The following SLC35F1 variants were observed in gnomAD, a reference collection of about 807,000 sequenced individuals.
SLC35F1 encodes the protein chromosome 6 open reading frame 169.
Under a neutral mutation model 48.7 loss-of-function variants are expected in SLC35F1, and 14 were observed. The observed-to-expected ratio is 0.29, with a 90% CI of 0.19 to 0.45. The LOEUF (loss-of-function observed/expected upper bound fraction) is 0.45. Ranked by LOEUF, SLC35F1 falls within the 20% of genes least tolerant of loss-of-function variation. The probability of loss-of-function intolerance (pLI) is 1.00; values close to 1 mark genes in which losing one functional copy is unlikely to be tolerated. For missense variants in SLC35F1, 404 were observed against 500.0 expected (o/e 0.81, Z 1.83); for synonymous variants, 190 against 202.2 (o/e 0.94, Z 0.51).
intron 1 of SLC35F1, among the ~76,000 whole-genome samples, chr6:118,014,167 G>A (rs376291067): frequency 3.9e-5 from 6 of 152,182 alleles, no homozygotes; most frequent in East Asian, 1.9e-4. Context: ...TTACTTTGAA[G>A]GCACATAATC....
chr6:118,259,087 TATA>T (rs1314879554), intron 3 of SLC35F1, among the ~76,000 whole-genome samples: 1 of 151,624 alleles, frequency 6.6e-6, no homozygotes, highest in African/African-American at 2.4e-5. Context: ...GCCTTAATAA[TATA>T]TAAAGATATT....
At chr6:117,999,018 A>G in intron 1 of SLC35F1, 1 of 1,432,150 alleles carries the variant, frequency 7.0e-7, no homozygotes, top group South Asian at 1.1e-5. Context: ...CAGTCCCGAA[A>G]ATGGCACAGA....
At chr6:118,010,934 G>A (rs1282731672) in intron 1 of SLC35F1, among the ~76,000 whole-genome samples, 3 of 152,112 alleles carry the variant, frequency 2.0e-5, no homozygotes, top group African/African-American at 7.2e-5. Flanking sequence ...TCTCAATTGT[G>A]GATGATTTTG....
chr6:118,233,463 C>T (rs1775322324), intron 2 of SLC35F1, among the ~76,000 whole-genome samples: 1 of 152,224 alleles, frequency 6.6e-6, no homozygotes. Flanking sequence ...CCAGCCTTCT[C>T]ATGTGCAAAA....
chr6:118,226,405 C>T (rs890928478), intron 2 of SLC35F1, among the ~76,000 whole-genome samples: 8 of 151,920 alleles, frequency 5.3e-5, no homozygotes, highest in African/African-American at 1.9e-4. Context: ...GAGTTATCTG[C>T]GTTTCTGTGT....
intron 1 of SLC35F1, among the ~76,000 whole-genome samples, chr6:118,049,436 A>C (rs1271150575): frequency 1.3e-5 from 2 of 152,162 alleles, no homozygotes; most frequent in Non-Finnish European, 2.9e-5. Flanking sequence ...CAACCCACAA[A>C]ATGGGAAAAA....
At chr6:118,266,892 G>A in intron 3 of SLC35F1, 103 bp from the exon 4 acceptor site, 2 of 1,307,034 alleles carry the variant, frequency 1.5e-6, no homozygotes, top group Admixed American at 1.8e-5. Flanking sequence ...AGGTTCAGGG[G>A]AAAGGCAGAA....
chr6:118,082,479 A>C (rs1161970453), intron 1 of SLC35F1, among the ~76,000 whole-genome samples: 3 of 152,336 alleles, frequency 2.0e-5, no homozygotes, highest in Middle Eastern at 6.8e-3. Context: ...AGAAACATTG[A>C]ATATTGAATG....
intron 1 of SLC35F1, among the ~76,000 whole-genome samples, chr6:118,067,185 G>A (rs900485219): frequency 6.6e-6 from 1 of 152,254 alleles, no homozygotes; most frequent in East Asian, 1.9e-4. Flanking sequence ...GTCTGATAAG[G>A]TCAGATAAGG....
At chr6:118,173,129 A>T (rs1774431530) in intron 2 of SLC35F1, among the ~76,000 whole-genome samples, 1 of 152,134 alleles carries the variant, frequency 6.6e-6, no homozygotes, top group Non-Finnish European at 1.5e-5. Context: ...AGGTTAGGTA[A>T]CTTACTAAAA....
intron 1 of SLC35F1, among the ~76,000 whole-genome samples, chr6:117,982,709 C>G (rs1776795977): frequency 6.6e-6 from 1 of 152,170 alleles, no homozygotes; most frequent in Non-Finnish European, 1.5e-5. Flanking sequence ...GTGAGAACTT[C>G]TCAGAAGAGA....
chr6:118,230,178 A>T (rs1457401291), intron 2 of SLC35F1, among the ~76,000 whole-genome samples: 1 of 152,034 alleles, frequency 6.6e-6, no homozygotes, highest in African/African-American at 2.4e-5. Context: ...CATCTCTACT[A>T]AAAATACAAA....
intron 1 of SLC35F1, among the ~76,000 whole-genome samples, chr6:118,025,094 C>T (rs145728876): frequency 1.7e-3 from 266 of 152,146 alleles, no homozygotes; most frequent in African/African-American, 6.2e-3. Context: ...TTAACTAAAC[C>T]CCACACTTTA....
chr6:118,251,132 C>CA (rs924923324), intron 3 of SLC35F1, among the ~76,000 whole-genome samples: 109 of 151,966 alleles, frequency 7.2e-4, no homozygotes, highest in African/African-American at 2.6e-3. Flanking sequence ...TAAAAAAATA[C>CA]AAAAAATTAG....
chr6:117,982,086 AC>A (rs1776788331), intron 1 of SLC35F1, among the ~76,000 whole-genome samples: 2 of 152,098 alleles, frequency 1.3e-5, no homozygotes, highest in Admixed American at 6.5e-5. Context: ...ATCTATTACA[AC>A]CCCCAAATCT....
intron 7 of SLC35F1, among the ~76,000 whole-genome samples, chr6:118,288,352 C>T (rs974239768): frequency 6.6e-6 from 1 of 152,066 alleles, no homozygotes; most frequent in African/African-American, 2.4e-5. Flanking sequence ...GAACAGCTTG[C>T]TTTTTATACA....
chr6:118,314,378 A>G lies in SLC35F1; in HGVS notation c.*126A>G. ...ACACAGGTGGACTGCAAGGTAGCAA[A>G]TCCTCCAAAAGCTTGTGAAAGGAAC... On this transcript the variant is annotated 3_prime_UTR_variant, in exon 8 of 8. Coordinates refer to ENST00000360388, the MANE Select transcript of SLC35F1 (RefSeq NM_001029858.4). The G allele has an allele frequency of 1.3e-6, 1 of 784,146 alleles. No homozygotes were observed. The highest frequency in any genetic ancestry group is 2.1e-6 in the Non-Finnish European group (1 of 485,556). The allele number at this position is 784,146 out of a possible 1,614,324, so 48.6% of individuals were successfully genotyped here.
At chr6:118,128,308 T>C (rs1229862093) in intron 1 of SLC35F1, among the ~76,000 whole-genome samples, 1 of 146,744 alleles carries the variant, frequency 6.8e-6, no homozygotes, top group Non-Finnish European at 1.5e-5. Flanking sequence ...ATCCCATTAC[T>C]GGGTATATAC....
chr6:118,072,649 A>AT (rs986511828), intron 1 of SLC35F1, among the ~76,000 whole-genome samples: 13 of 151,926 alleles, frequency 8.6e-5, no homozygotes, highest in African/African-American at 3.1e-4. Context: ...ATAATATTTC[A>AT]TTTTTTGTTC....
Sources: gnomAD v4.1 joint callset for allele counts (sites outside exome capture counted in the v4.1 genomes callset) on GRCh38, gnomAD v4.1.1 for gene constraint, MANE v1.5 for transcripts, NCBI Gene and HGNC (gene_info 2026-07-23, HGNC 2026-07-21) for gene names.